Variants in CSPG5 observed in about 807,000 individuals in gnomAD.
CSPG5 encodes the protein chondroitin sulfate proteoglycan 5.
Under a neutral mutation model 39.8 loss-of-function variants are expected in CSPG5, and 25 were observed. The observed-to-expected ratio is 0.63, with a 90% CI of 0.46 to 0.88. The LOEUF (loss-of-function observed/expected upper bound fraction) is 0.88. CSPG5 is among the 40% of genes least tolerant of loss of function. The pLI is 0.00. For missense variants in CSPG5, 627 were observed against 702.2 expected, an observed-to-expected ratio of 0.89 and a Z score of 1.21; for synonymous variants, 295 against 303.9, an observed-to-expected ratio of 0.97 and a Z score of 0.31.
At chr3:47,569,468 G>T (rs1157402343) in intron 3 of CSPG5, among the ~76,000 whole-genome samples, 1 of 151,978 alleles carries the variant, frequency 6.6e-6, no homozygotes. Flanking sequence ...GCTGGGCGTG[G>T]TGGCAGGCGC....
At chr3:47,573,187 C>G (rs2108202545) in intron 2 of CSPG5, among the ~76,000 whole-genome samples, 1 of 152,318 alleles carries the variant, frequency 6.6e-6, no homozygotes, top group South Asian at 2.1e-4. Flanking sequence ...GAATCCTGGT[C>G]TTCTGCTCTG....
At chr3:47,576,145 C>T (rs1433237925) in intron 2 of CSPG5, among the ~76,000 whole-genome samples, 1 of 151,946 alleles carries the variant, frequency 6.6e-6, no homozygotes, top group Non-Finnish European at 1.5e-5. Context: ...CCATGTTGGT[C>T]AGGCTGGTCT....
intron 3 of CSPG5, among the ~76,000 whole-genome samples, chr3:47,570,737 A>G (rs78427387): frequency 6.6e-6 from 1 of 151,584 alleles, no homozygotes; most frequent in African/African-American, 2.4e-5. Context: ...TGAACTCCTG[A>G]CCTCGTGATC....
rs2031863521 is a variant in CSPG5, at chr3:47,578,391, T to C, written c.97+206A>G. Among the ~76,000 whole-genome samples the C allele has an allele frequency of 7.9e-6, 1 of 126,278 alleles. No homozygotes were observed. The highest frequency in any genetic ancestry group is 3.0e-5 in the African/African-American group (1 of 33,186). The allele number at this position is 126,278 out of a possible 152,430, so 82.8% of individuals were successfully genotyped here. On this transcript the variant is annotated intron_variant, in intron 1 of 4. Coordinates refer to ENST00000264723, the MANE Select transcript of CSPG5 (RefSeq NM_006574.4). This position sits in a 1 kb window ranked among gnomAD's most constrained non-coding sequence, Gnocchi z 6.0. ...GCGGCCCGCGCGCTTGGGTCCCGGC[T>C]ACCCCAACCGGGGTCGGCCCCCACG... is the stretch of plus-strand genomic sequence containing the variant.
chr3:47,578,236 C>CG lies in CSPG5; in HGVS notation c.98-309dup, dbSNP rs1466136281. 11 of 324,122 alleles carry CG rather than the reference C, an allele frequency of 3.4e-5. No homozygotes were observed. The highest frequency in any genetic ancestry group is 5.0e-5 in the Non-Finnish European group (9 of 181,486). 20.1% of individuals were successfully genotyped at this position (324,122 alleles called of 1,614,324 possible). A position where few individuals can be genotyped will look rare whatever the true frequency, so the allele number is the denominator to read the frequency against. ...TCGGCCCACCCATAAGTCTCACCCT[C>CG]GGGAACCCACCCTGAGCCGCGTCCA... On this transcript the variant is annotated intron_variant, in intron 1 of 4. Transcript: ENST00000264723. This position sits in a 1 kb window ranked among gnomAD's most constrained non-coding sequence, Gnocchi z 6.0.
chr3:47,574,558 A>G (rs2108204466), intron 2 of CSPG5, among the ~76,000 whole-genome samples: 1 of 152,326 alleles, frequency 6.6e-6, no homozygotes, highest in South Asian at 2.1e-4. Context: ...TTTCTTAATC[A>G]TAGTACCTCC....
upstream of CSPG5, chr3:47,580,226 A>C (rs556952374): frequency 6.6e-6 from 1 of 152,348 alleles, no homozygotes; most frequent in South Asian, 2.1e-4. Context: ...ATCTACAGTT[A>C]TTCCTCACTG....
intron 4 of CSPG5, among the ~76,000 whole-genome samples, chr3:47,563,322 C>A (rs569757386): frequency 1.2e-4 from 19 of 152,316 alleles, no homozygotes; most frequent in Middle Eastern, 3.4e-3. Flanking sequence ...CTCTCATTGT[C>A]ACAAGTGAAC....
chr3:47,573,110 C>T (rs1467837231), intron 2 of CSPG5, among the ~76,000 whole-genome samples: 8 of 152,276 alleles, frequency 5.3e-5, no homozygotes, highest in East Asian at 3.9e-4. Flanking sequence ...ATGAGGTAAC[C>T]GAGGTGTAGA....
intron 2 of CSPG5, among the ~76,000 whole-genome samples, chr3:47,574,366 A>G (rs1406215891): frequency 6.6e-6 from 1 of 152,150 alleles, no homozygotes; most frequent in Non-Finnish European, 1.5e-5. Flanking sequence ...CTCCAATAGG[A>G]TGAAAGATGA....
Position 47,569,186 on chromosome 3 carries a change from G to C in CSPG5, c.1424C>G (p.Ser475Cys). Residue 475 changes from serine (S) to cysteine (C), a missense_variant, in exon 4 of 5, where the codon TCC becomes TGC. Coordinates refer to ENST00000264723, the MANE Select transcript of CSPG5 (RefSeq NM_006574.4). ...TPSELHNDNF[S>C]LSTIAEGSHP... is the part of the protein sequence containing the mutation. ...AGAGCCCTCGGCAATGGTGGAGAGG[G>C]AGAAGTTATCATTGTGGAGCTCAGA... 6.2e-7 allele frequency: 1 copy of C among 1,613,338 alleles called. No individual in the cohort carries two copies. The highest frequency in any genetic ancestry group is 8.5e-7 in the Non-Finnish European group (1 of 1,179,636).
chr3:47,575,649 G>A (rs1012921230), intron 2 of CSPG5, among the ~76,000 whole-genome samples: 2 of 152,194 alleles, frequency 1.3e-5, no homozygotes, highest in Non-Finnish European at 1.5e-5. Context: ...TCTGCAATGC[G>A]AAGACTCTCA....
At chr3:47,566,380 C>A (rs1024628966) in intron 4 of CSPG5, among the ~76,000 whole-genome samples, 2 of 152,176 alleles carry the variant, frequency 1.3e-5, no homozygotes, top group Admixed American at 6.5e-5. Context: ...GCTGCTGGCA[C>A]CCCTTGCAGG....
chr3:47,576,244 G>C (rs2031726485), intron 2 of CSPG5, among the ~76,000 whole-genome samples: 1 of 151,344 alleles, frequency 6.6e-6, no homozygotes, highest in African/African-American at 2.4e-5. Context: ...GCCTCATTTT[G>C]CCTTTGTAAT....
chr3:47,564,859 C>A lies in CSPG5; in HGVS notation c.1459-2098G>T, dbSNP rs528070575. ...GAAGTAGAGCTGCACTTTTTTATTTCGTGTACTTCTGTACTGTTTGGGGGA... is the reference window on the plus strand; with the variant it reads ...GAAGTAGAGCTGCACTTTTTTATTTAGTGTACTTCTGTACTGTTTGGGGGA... On this transcript the variant is annotated intron_variant, in intron 4 of 4. Transcript: ENST00000264723. 2.0e-5 allele frequency among the ~76,000 whole-genome samples: 3 copies of A among 152,072 alleles called. No homozygotes were observed. In the East Asian group the frequency reaches 5.8e-4, roughly 29 times the overall value.
At chr3:47,569,464 C>T (rs780239314) in intron 3 of CSPG5, among the ~76,000 whole-genome samples, 23 of 151,738 alleles carry the variant, frequency 1.5e-4, no homozygotes, top group Non-Finnish European at 2.4e-4. Flanking sequence ...ATTAGCTGGG[C>T]GTGGTGGCAG....
At chr3:47,575,000 G>C (rs920067936) in intron 2 of CSPG5, among the ~76,000 whole-genome samples, 1 of 152,126 alleles carries the variant, frequency 6.6e-6, no homozygotes, top group South Asian at 2.1e-4. Flanking sequence ...AAGTTACAAC[G>C]CCAAGGACAA....
intron 3 of CSPG5, among the ~76,000 whole-genome samples, chr3:47,571,642 C>T (rs1260767997): frequency 6.6e-6 from 1 of 152,262 alleles, no homozygotes; most frequent in Non-Finnish European, 1.5e-5. Flanking sequence ...CTGTACATTG[C>T]ATGAGTCTAC....
At chr3:47,565,228 T>A (rs1195322696) in intron 4 of CSPG5, among the ~76,000 whole-genome samples, 1 of 152,108 alleles carries the variant, frequency 6.6e-6, no homozygotes, top group African/African-American at 2.4e-5. Context: ...ATTAGAAAAC[T>A]GTCTTCTGAG....
Sources: allele counts gnomAD v4.1 joint callset (sites outside exome capture counted in the v4.1 genomes callset), GRCh38; gene constraint gnomAD v4.1.1; non-coding constraint Gnocchi (gnomAD v3.1); transcripts MANE v1.5; gene names NCBI Gene and HGNC (gene_info 2026-07-23, HGNC 2026-07-21).